Variants in BANK1 observed in about 807,000 individuals in gnomAD.
The protein encoded by BANK1 is B cell scaffold protein with ankyrin repeats 1, also known as B-cell scaffold protein with ankyrin repeats.
BANK1 carries 95 observed loss-of-function variants against 94.5 expected under a neutral mutation model. That is an observed-to-expected ratio of 1.00 (90% CI 0.85 to 1.19). The LOEUF (loss-of-function observed/expected upper bound fraction) is 1.19, where lower values mean the gene tolerates loss of function less well. Among genes scored for constraint, BANK1 ranks in the 50% most tolerant of loss-of-function variants. The pLI, the probability that BANK1 is intolerant of heterozygous loss-of-function variation, is 0.00. For synonymous variants in BANK1, 334 were observed against 308.4 expected, an observed-to-expected ratio of 1.08 and a Z score of -0.87; for missense variants, 987 against 932.2, an observed-to-expected ratio of 1.06 and a Z score of -0.77.
chr4:102,064,512 C>A (rs962819481), intron 13 of BANK1, among the ~76,000 whole-genome samples: 6 of 152,220 alleles, frequency 3.9e-5, no homozygotes, highest in African/African-American at 1.4e-4. Flanking sequence ...AATAAGGAAA[C>A]TGAGGCCCTG....
chr4:101,904,012 AG>A (rs1722364896), intron 6 of BANK1, among the ~76,000 whole-genome samples: 1 of 152,228 alleles, frequency 6.6e-6, no homozygotes, highest in South Asian at 2.1e-4. Flanking sequence ...TTTTATGAGT[AG>A]GTTCAATTGC....
intron 10 of BANK1, among the ~76,000 whole-genome samples, chr4:102,043,354 G>A (rs1221525578): frequency 1.3e-5 from 2 of 152,016 alleles, no homozygotes; most frequent in Non-Finnish European, 2.9e-5. Context: ...TAAGTCTGCG[G>A]TCTAGATAGA....
chr4:101,998,423 T>C (rs1464791115), intron 7 of BANK1, among the ~76,000 whole-genome samples: 1 of 152,224 alleles, frequency 6.6e-6, no homozygotes, highest in Non-Finnish European at 1.5e-5. Flanking sequence ...TCTGTAGATG[T>C]CTATTAGGTC....
intron 7 of BANK1, among the ~76,000 whole-genome samples, chr4:101,998,987 T>C (rs1725970503): frequency 6.6e-6 from 1 of 152,170 alleles, no homozygotes; most frequent in South Asian, 2.1e-4. Flanking sequence ...ATAGAATATT[T>C]TGAAAAACAT....
chr4:101,830,764 A>G (rs1726586279), intron 2 of BANK1, among the ~76,000 whole-genome samples: 2 of 152,184 alleles, frequency 1.3e-5, no homozygotes, highest in Admixed American at 1.3e-4. Context: ...TTATTCTGCT[A>G]GGTGTGAAAG....
chr4:101,979,078 G>A (rs1182050652), intron 7 of BANK1, among the ~76,000 whole-genome samples: 1 of 151,934 alleles, frequency 6.6e-6, no homozygotes, highest in Non-Finnish European at 1.5e-5. Context: ...TAATGCAAAT[G>A]TTAGGCACAA....
At chr4:101,865,230 T>G (rs1728023719) in intron 4 of BANK1, among the ~76,000 whole-genome samples, 2 of 151,806 alleles carry the variant, frequency 1.3e-5, no homozygotes, top group South Asian at 4.2e-4. Context: ...ACTAAGAGAG[T>G]GTCATTTGAA....
intron 6 of BANK1, among the ~76,000 whole-genome samples, chr4:101,917,735 G>A (rs1157458546): frequency 1.3e-5 from 2 of 151,642 alleles, no homozygotes; most frequent in Non-Finnish European, 2.9e-5. Flanking sequence ...AGAGGTTGAT[G>A]TGGCTTTTTA....
intron 2 of BANK1, among the ~76,000 whole-genome samples, chr4:101,835,193 A>G (rs1726776661): frequency 6.6e-6 from 1 of 152,194 alleles, no homozygotes; most frequent in African/African-American, 2.4e-5. Context: ...CATTGTTTAT[A>G]TGTGATATAA....
intron 3 of BANK1, among the ~76,000 whole-genome samples, chr4:101,856,494 C>T (rs190033455): frequency 2.6e-5 from 4 of 152,206 alleles, no homozygotes; most frequent in Non-Finnish European, 4.4e-5. Flanking sequence ...CAACTACTCT[C>T]AAGTAGATGA....
chr4:101,956,987 A>G (rs1319026929), intron 7 of BANK1, among the ~76,000 whole-genome samples: 2 of 152,148 alleles, frequency 1.3e-5, no homozygotes, highest in Non-Finnish European at 2.9e-5. Flanking sequence ...CTCAGTACAA[A>G]AAGATTATGC....
At chr4:101,978,665 G>T (rs1203865456) in intron 7 of BANK1, among the ~76,000 whole-genome samples, 1 of 151,736 alleles carries the variant, frequency 6.6e-6, no homozygotes, top group African/African-American at 2.4e-5. Context: ...GTGACCGACC[G>T]TAATTTGTCA....
intron 8 of BANK1, among the ~76,000 whole-genome samples, chr4:102,023,839 A>G (rs1248007902): frequency 2.6e-5 from 4 of 152,316 alleles, no homozygotes; most frequent in African/African-American, 9.6e-5. Context: ...CAGAAATAAT[A>G]AAGTTCCTTT....
intron 5 of BANK1, among the ~76,000 whole-genome samples, chr4:101,871,772 T>C (rs1728297185): frequency 6.6e-6 from 1 of 152,112 alleles, no homozygotes; most frequent in Admixed American, 6.6e-5. Context: ...AAAAGATTAA[T>C]AAAGGTAATA....
At chr4:101,796,333 AG>A (rs1725155299) in intron 1 of BANK1, among the ~76,000 whole-genome samples, 1 of 152,004 alleles carries the variant, frequency 6.6e-6, no homozygotes, top group African/African-American at 2.4e-5. Context: ...TCTTTTTGGG[AG>A]GAAAAAAAAA....
At chr4:101,889,176 A>G (rs892825725) in intron 5 of BANK1, among the ~76,000 whole-genome samples, 4 of 152,140 alleles carry the variant, frequency 2.6e-5, no homozygotes, top group Admixed American at 2.0e-4. Context: ...CATTTCATCT[A>G]AATCATCAAA....
At chr4:102,053,035 C>G (rs1728103474) in intron 11 of BANK1, among the ~76,000 whole-genome samples, 1 of 152,092 alleles carries the variant, frequency 6.6e-6, no homozygotes, top group South Asian at 2.1e-4. Context: ...CCACATTGGT[C>G]ACAACAAAAG....
In BANK1 at chr4:102,043,877, G is replaced by GAC; in HGVS notation, c.1941_1942dup (p.Lys648ThrfsTer15). Reference sequence around the variant, plus strand: ...GACAGCCAGAAGACAATCTGATGATGACAAGTTCTGTGGTCTTCCTAAGAA... The same window carrying GAC: ...GACAGCCAGAAGACAATCTGATGATGACACAAGTTCTGTGGTCTTCCTAAGAA... On this transcript the variant is annotated frameshift_variant, in exon 11 of 17. Coordinates refer to ENST00000322953, the MANE Select transcript of BANK1 (RefSeq NM_017935.5). LOFTEE classifies it high-confidence loss of function. 1 of 1,603,374 alleles carries GAC rather than the reference G, an allele frequency of 6.2e-7. No homozygotes were observed. Among genetic ancestry groups the GAC allele is most frequent in the Admixed American group, 1.7e-5 (1 of 59,842 alleles).
intron 5 of BANK1, among the ~76,000 whole-genome samples, chr4:101,882,276 T>C (rs1166902498): frequency 6.6e-6 from 1 of 152,124 alleles, no homozygotes; most frequent in African/African-American, 2.4e-5. Context: ...AAATGAAAGC[T>C]GCCCTCTTAA....
Sources: allele counts gnomAD v4.1 joint callset (sites outside exome capture counted in the v4.1 genomes callset), GRCh38; gene constraint gnomAD v4.1.1; transcripts MANE v1.5; gene names NCBI Gene and HGNC (gene_info 2026-07-23, HGNC 2026-07-21).